The following PSD3 variants were observed in gnomAD, a reference collection of about 807,000 sequenced individuals.
PSD3 encodes pleckstrin and Sec7 domain containing 3.
PSD3 carries 49 observed loss-of-function variants against 105.5 expected under a neutral mutation model. The ratio of observed to expected loss-of-function variants is 0.46; its 90% confidence interval spans 0.37 to 0.59. The LOEUF (loss-of-function observed/expected upper bound fraction) is 0.59, where lower values mean the gene tolerates loss of function less well. Among genes scored for constraint, PSD3 ranks in the 20% least tolerant of loss-of-function variants. The pLI, the probability that PSD3 is intolerant of heterozygous loss-of-function variation, is 0.00. For missense variants in PSD3, 1,561 were observed against 1,263.8 expected (o/e 1.24, Z -3.57); for synonymous variants, 557 against 457.8 (o/e 1.22, Z -2.77).
chr8:19,033,859 ATGT>A (rs1827853617), intron 1 of PSD3, among the ~76,000 whole-genome samples: 1 of 152,128 alleles, frequency 6.6e-6, no homozygotes, highest in Admixed American at 6.6e-5. Flanking sequence ...TCATCATACA[ATGT>A]TGTTAAAGAA....
chr8:18,688,243 A>T (rs972446693), intron 9 of PSD3, among the ~76,000 whole-genome samples: 1 of 147,712 alleles, frequency 6.8e-6, no homozygotes, highest in African/African-American at 2.6e-5. Flanking sequence ...ACCTGGCACG[A>T]TCACGTCAGG....
intron 4 of PSD3, among the ~76,000 whole-genome samples, chr8:18,847,455 T>C (rs1323210909): frequency 6.6e-6 from 1 of 152,208 alleles, no homozygotes; most frequent in East Asian, 1.9e-4. Context: ...GGGCAAGCTA[T>C]GCACACTGTT....
intron 9 of PSD3, among the ~76,000 whole-genome samples, chr8:18,696,040 C>A (rs964176046): frequency 6.6e-6 from 1 of 152,202 alleles, no homozygotes; most frequent in Admixed American, 6.5e-5. Flanking sequence ...TGGCAGCTGT[C>A]GCTGAGAATT....
chr8:18,700,159 G>T (rs1014581142), intron 9 of PSD3, among the ~76,000 whole-genome samples: 1 of 152,112 alleles, frequency 6.6e-6, no homozygotes, highest in African/African-American at 2.4e-5. Context: ...TGGGACTGTT[G>T]TATTAACATT....
chr8:18,907,794 C>G lies in PSD3; in HGVS notation c.130+28240G>C, dbSNP rs182833302. ...AGTAACAACCCCGTGAATACAACAACAGACAAATAACAAACAGTAACATTA... is the reference window on the plus strand; with the variant it reads ...AGTAACAACCCCGTGAATACAACAAGAGACAAATAACAAACAGTAACATTA... On this transcript the variant is annotated intron_variant, in intron 2 of 15. Transcript: ENST00000327040. Among the ~76,000 whole-genome samples, 50 of 152,342 alleles carry G rather than the reference C, an allele frequency of 3.3e-4. 1 individual carries two copies. In the East Asian group the frequency reaches 8.9e-3, roughly 27 times the overall value.
intron 1 of PSD3, among the ~76,000 whole-genome samples, chr8:19,042,658 A>C (rs1828163483): frequency 6.6e-6 from 1 of 152,232 alleles, no homozygotes; most frequent in Non-Finnish European, 1.5e-5. Flanking sequence ...GGTCGCTGAA[A>C]TACAACTGAA....
intron 4 of PSD3, among the ~76,000 whole-genome samples, chr8:18,807,193 C>A (rs977252573): frequency 2.0e-5 from 3 of 152,180 alleles, no homozygotes; most frequent in Non-Finnish European, 2.9e-5. Flanking sequence ...TTTACAAGTT[C>A]CCTTTTCCCA....
intron 1 of PSD3, among the ~76,000 whole-genome samples, chr8:19,077,480 T>TA (rs552142413): frequency 4.9e-4 from 73 of 149,256 alleles, no homozygotes; most frequent in Admixed American, 1.5e-3. Context: ...TGGACGTCCT[T>TA]AAAAAAAAAA....
chr8:18,805,330 T>G (rs1197465520), intron 4 of PSD3, among the ~76,000 whole-genome samples: 1 of 152,206 alleles, frequency 6.6e-6, no homozygotes, highest in Non-Finnish European at 1.5e-5. Flanking sequence ...AACACAAATT[T>G]CTTTAACAGC....
intron 8 of PSD3, among the ~76,000 whole-genome samples, chr8:18,772,961 A>G (rs9644567): frequency 0.017 from 2,540 of 152,260 alleles, 88 homozygotes; most frequent in East Asian, 0.12. Context: ...ATTTGTAAAT[A>G]TTTTATTCTA....
intron 2 of PSD3, among the ~76,000 whole-genome samples, chr8:18,874,981 A>T (rs534152987): frequency 6.6e-6 from 1 of 152,242 alleles, no homozygotes; most frequent in South Asian, 2.1e-4. Flanking sequence ...GGGAGTGCGA[A>T]CATAGCTCAC....
rs1799718796 is a variant in PSD3, at chr8:18,533,685, A to G, written c.*2058T>C. The G allele has an allele frequency of 6.6e-6, 1 of 152,108 alleles. No homozygotes were observed. The highest frequency in any genetic ancestry group is 1.5e-5 in the Non-Finnish European group (1 of 68,028). 9.4% of individuals were successfully genotyped at this position (152,108 alleles called of 1,614,324 possible). A position where few individuals can be genotyped will look rare whatever the true frequency, so the allele number is the denominator to read the frequency against. ...AGCTTGTAGATGACATGGTCTAGGT[A>G]CCTCTCTCCCCTCGGCTTAGTATAA... On this transcript the variant is annotated 3_prime_UTR_variant, in exon 16 of 16. Transcript: ENST00000327040.
intron 9 of PSD3, among the ~76,000 whole-genome samples, chr8:18,690,892 C>G (rs1368244497): frequency 6.6e-6 from 1 of 152,130 alleles, no homozygotes; most frequent in Non-Finnish European, 1.5e-5. Context: ...CATAAAACTG[C>G]AAAGTTTTTT....
chr8:18,690,627 C>A (rs575177503), intron 9 of PSD3, among the ~76,000 whole-genome samples: 5 of 152,314 alleles, frequency 3.3e-5, no homozygotes, highest in African/African-American at 1.2e-4. Flanking sequence ...TCTGAGCCTG[C>A]ACCAGAACCC....
intron 14 of PSD3, among the ~76,000 whole-genome samples, chr8:18,560,660 C>T (rs1480198017): frequency 6.6e-6 from 1 of 151,954 alleles, no homozygotes; most frequent in Non-Finnish European, 1.5e-5. Context: ...AACATTTTAT[C>T]TAAAAGGCAA....
intron 9 of PSD3, among the ~76,000 whole-genome samples, chr8:18,697,039 T>C (rs7003679): frequency 2.4e-4 from 5 of 20,764 alleles, no homozygotes; most frequent in Non-Finnish European, 8.0e-4. Flanking sequence ...GCCCAGGGGT[T>C]TGAGACCAGC....
intron 1 of PSD3, among the ~76,000 whole-genome samples, chr8:18,967,872 G>A (rs1259995564): frequency 6.6e-6 from 1 of 152,186 alleles, no homozygotes; most frequent in Non-Finnish European, 1.5e-5. Context: ...TTTTCCAAGT[G>A]CTCAGAATTA....
chr8:18,839,575 G>A (rs1051860969), intron 4 of PSD3, among the ~76,000 whole-genome samples: 1 of 152,128 alleles, frequency 6.6e-6, no homozygotes, highest in African/African-American at 2.4e-5. Context: ...CTACTTTAAG[G>A]AGAAACACTT....
intron 12 of PSD3, among the ~76,000 whole-genome samples, chr8:18,581,758 G>A (rs1802833459): frequency 6.6e-6 from 1 of 152,138 alleles, no homozygotes; most frequent in Non-Finnish European, 1.5e-5. Flanking sequence ...ACACTGTCAG[G>A]ACAAGTGTTT....
Sources: gnomAD v4.1 joint callset for allele counts (sites outside exome capture counted in the v4.1 genomes callset) on GRCh38, gnomAD v4.1.1 for gene constraint, MANE v1.5 for transcripts, NCBI Gene and HGNC (gene_info 2026-07-23, HGNC 2026-07-21) for gene names.